Variants in GPR160 observed in about 807,000 individuals in gnomAD.
GPR160 encodes G protein-coupled receptor 160, also known as probable G protein-coupled receptor 160.
A neutral mutation model predicts 2.6 loss-of-function variants in GPR160; 2 were observed. That is an observed-to-expected ratio of 0.77 (90% CI 0.32 to 2.44). GPR160 has a LOEUF of 2.44. Among genes scored for constraint, GPR160 ranks in the 30% most tolerant of loss-of-function variants. GPR160 has a pLI of 0.11. For missense variants in GPR160, 351 were observed against 383.6 expected, an observed-to-expected ratio of 0.91 and a Z score of 0.71; for synonymous variants, 130 against 132.2, an observed-to-expected ratio of 0.98 and a Z score of 0.12.
chr3:170,053,123 G>A (rs945704895), intron 2 of GPR160, among the ~76,000 whole-genome samples: 3 of 151,936 alleles, frequency 2.0e-5, no homozygotes, highest in Non-Finnish European at 4.4e-5. Context: ...CTAACCCTTT[G>A]TATTTTCATA....
At position 170,085,206 on chromosome 3, in the gene GPR160, G is replaced by C. The variant is rs112853682; in HGVS notation, c.*217G>C. ...CAAGAAGTTTTTATAGTTATTCAGG[G>C]ACACTATATTACAAATATTACTTTG... is the stretch of plus-strand genomic sequence containing the variant. On this transcript the variant is annotated 3_prime_UTR_variant, in exon 4 of 4. Coordinates refer to ENST00000355897, the MANE Select transcript of GPR160 (RefSeq NM_014373.3). The C allele has an allele frequency of 2.6e-3, 882 of 342,906 alleles. 11 individuals are homozygous for C. Among genetic ancestry groups the C allele is most frequent in the African/African-American group, 0.018 (839 of 46,896 alleles). 21.2% of individuals were successfully genotyped at this position (342,906 alleles called of 1,614,324 possible).
chr3:170,045,408 C>CAAAAAAAAAAAA lies in GPR160; in HGVS notation c.-193+6393_-193+6404dup. ...TGAAACCCTGTCTCTACTAAAAATA[C>CAAAAAAAAAAAA]AAAAAAAAAAAAAAAAAAAAAAAAA... On this transcript the variant is annotated intron_variant, in intron 2 of 3. Coordinates refer to ENST00000355897, the MANE Select transcript of GPR160 (RefSeq NM_014373.3). Among the ~76,000 whole-genome samples the CAAAAAAAAAAAA allele has an allele frequency of 3.6e-3, 121 of 33,654 alleles. 31 individuals carry two copies. Among genetic ancestry groups the CAAAAAAAAAAAA allele is most frequent in the Admixed American group, 6.9e-3 (13 of 1,872 alleles). 22.1% of individuals were successfully genotyped at this position (33,654 alleles called of 152,430 possible). A position where few individuals can be genotyped will look rare whatever the true frequency, so the allele number is the denominator to read the frequency against.
intron 2 of GPR160, among the ~76,000 whole-genome samples, chr3:170,066,391 G>A (rs1237809877): frequency 2.6e-5 from 4 of 151,690 alleles, no homozygotes; most frequent in Non-Finnish European, 4.4e-5. Context: ...CGCCCGCCTC[G>A]GCCTCCCAAA....
At chr3:170,065,972 T>A (rs1054486674) in intron 2 of GPR160, among the ~76,000 whole-genome samples, 1 of 151,834 alleles carries the variant, frequency 6.6e-6, no homozygotes, top group African/African-American at 2.4e-5. Context: ...GCCCAGACTA[T>A]ACTCAAACTA....
chr3:170,053,405 C>A (rs563621025), intron 2 of GPR160, among the ~76,000 whole-genome samples: 2 of 152,074 alleles, frequency 1.3e-5, no homozygotes, highest in African/African-American at 2.4e-5. Flanking sequence ...TATTTTCCTT[C>A]ATTTTTGAAT....
chr3:170,051,700 G>A (rs1339960796), intron 2 of GPR160, among the ~76,000 whole-genome samples: 1 of 152,080 alleles, frequency 6.6e-6, no homozygotes, highest in East Asian at 1.9e-4. Context: ...ACTCCAGCTT[G>A]GGAGAGAGAA....
In GPR160 at chr3:170,084,283, C is replaced by G; in HGVS notation, c.311C>G (p.Thr104Ser). Residue 104 changes from threonine to serine, a missense_variant, in exon 4 of 4, where the codon ACT becomes AGT. Coordinates refer to ENST00000355897, the MANE Select transcript of GPR160 (RefSeq NM_014373.3). Reference protein sequence around the residue: ...ICLFTQIISFTYGFLHYPVFL... With the variant: ...ICLFTQIISFSYGFLHYPVFL... ...CTATTTACTCAAATTATTTCCTTTA[C>G]TTATGGCTTTTTGCATTATCCAGTT... 1 of 1,608,918 alleles carries G rather than the reference C, an allele frequency of 6.2e-7. No individual in the cohort carries two copies. Among genetic ancestry groups the G allele is most frequent in the African/African-American group, 1.3e-5 (1 of 74,904 alleles).
At chr3:170,071,041 C>T (rs543311576) in intron 2 of GPR160, among the ~76,000 whole-genome samples, 1 of 152,136 alleles carries the variant, frequency 6.6e-6, no homozygotes, top group African/African-American at 2.4e-5. Context: ...AGATTTCTAC[C>T]GATAGTCTCT....
At chr3:170,060,113 A>G (rs6444892) in intron 2 of GPR160, among the ~76,000 whole-genome samples, 49,582 of 151,916 alleles carry the variant, frequency 0.33, 8,404 homozygotes, top group East Asian at 0.59. Flanking sequence ...CAAAGCGGGC[A>G]TGTGCTCAGC....
At chr3:170,072,233 C>T (rs1369244936) in intron 2 of GPR160, among the ~76,000 whole-genome samples, 3 of 151,966 alleles carry the variant, frequency 2.0e-5, no homozygotes, top group Non-Finnish European at 4.4e-5. Flanking sequence ...TGCCACCATG[C>T]CCAGCTAACT....
At position 170,084,728 on chromosome 3, in the gene GPR160, G is replaced by C; in HGVS notation, c.756G>C (p.Trp252Cys). ...SKLIVCFLST[W>C]LPFVLLQVII... ...TCATTGTCTGTTTTCTCAGTACCTG[G>C]TTACCATTTGTACTACTTCAGGTAA... Residue 252 changes from tryptophan to cysteine, a missense_variant, in exon 4 of 4, where the codon TGG (tryptophan) becomes TGC (cysteine). Coordinates refer to ENST00000355897, the MANE Select transcript of GPR160 (RefSeq NM_014373.3). 1 of 1,611,138 alleles carries C rather than the reference G, an allele frequency of 6.2e-7. No homozygotes were observed. Among genetic ancestry groups the C allele is most frequent in the Non-Finnish European group, 8.5e-7 (1 of 1,177,776 alleles).
At chr3:170,062,280 G>A (rs1246619080) in intron 2 of GPR160, 9 of 203,092 alleles carry the variant, frequency 4.4e-5, no homozygotes, top group Non-Finnish European at 8.9e-5. Context: ...GGCGGAGGCA[G>A]CAGCGGGGGT....
chr3:170,078,838 T>C (rs1712991684), intron 2 of GPR160, among the ~76,000 whole-genome samples: 1 of 152,082 alleles, frequency 6.6e-6, no homozygotes, highest in South Asian at 2.1e-4. Flanking sequence ...GAGATGTAGA[T>C]CAGTCAGAGT....
intron 2 of GPR160, among the ~76,000 whole-genome samples, chr3:170,070,570 CACTT>C (rs1712541793): frequency 6.6e-6 from 1 of 152,216 alleles, no homozygotes; most frequent in African/African-American, 2.4e-5. Context: ...AACATCACCT[CACTT>C]ACTATTCTGT....
chr3:170,064,964 C>T (rs1712239346), intron 2 of GPR160, among the ~76,000 whole-genome samples: 1 of 152,112 alleles, frequency 6.6e-6, no homozygotes, highest in African/African-American at 2.4e-5. Context: ...GGCCTCACAA[C>T]GGTGCTACCT....
chr3:170,039,876 G>A (rs1202052227), intron 2 of GPR160, among the ~76,000 whole-genome samples: 1 of 152,190 alleles, frequency 6.6e-6, no homozygotes, highest in African/African-American at 2.4e-5. Context: ...ACAGCTTTGG[G>A]ATTTGCTTCA....
In GPR160 at chr3:170,071,589, T is replaced by G. The variant is rs116739217; in HGVS notation, c.-192-8185T>G. Among the ~76,000 whole-genome samples the G allele has an allele frequency of 5.9e-3, 892 of 152,040 alleles. 9 individuals are homozygous for G. The highest frequency in any genetic ancestry group is 0.02 in the African/African-American group (844 of 41,484). ...GGGTGGATCACTTGAGGTCAGGAAT[T>G]CAAGACCAGCTAGCCAACATGGCAA... On this transcript the variant is annotated intron_variant, in intron 2 of 3. Coordinates refer to ENST00000355897, the MANE Select transcript of GPR160 (RefSeq NM_014373.3).
At chr3:170,043,475 C>A (rs1716553093) in intron 2 of GPR160, among the ~76,000 whole-genome samples, 1 of 152,176 alleles carries the variant, frequency 6.6e-6, no homozygotes, top group Admixed American at 6.5e-5. Flanking sequence ...ATCCACCATG[C>A]CTGGCCCACA....
In GPR160 at chr3:170,085,102, T is replaced by C. The variant is rs186187049; in HGVS notation, c.*113T>C. On this transcript the variant is annotated 3_prime_UTR_variant, in exon 4 of 4. Coordinates refer to ENST00000355897, the MANE Select transcript of GPR160 (RefSeq NM_014373.3). ...AAAACAACTTTTGCCCCCTGACTGATAGCATTTCAGAATGTGTCTTTTGAA... is the reference window on the plus strand; with the variant it reads ...AAAACAACTTTTGCCCCCTGACTGACAGCATTTCAGAATGTGTCTTTTGAA... 1.0e-4 allele frequency: 52 copies of C among 499,164 alleles called. No individual in the cohort carries two copies. The highest frequency in any genetic ancestry group is 1.3e-4 in the Non-Finnish European group (37 of 282,494). 30.9% of individuals were successfully genotyped at this position (499,164 alleles called of 1,614,324 possible).
Sources: allele counts gnomAD v4.1 joint callset (sites outside exome capture counted in the v4.1 genomes callset), GRCh38; gene constraint gnomAD v4.1.1; transcripts MANE v1.5; gene names NCBI Gene and HGNC (gene_info 2026-07-23, HGNC 2026-07-21).